Variants in PTPRS observed in about 807,000 individuals in gnomAD.
The protein encoded by PTPRS is receptor-type tyrosine-protein phosphatase S.
A neutral mutation model predicts 215.3 loss-of-function variants in PTPRS; 63 were observed. That is an observed-to-expected ratio of 0.29 (90% CI 0.24 to 0.36). The LOEUF (loss-of-function observed/expected upper bound fraction) is 0.36, where lower values mean the gene tolerates loss of function less well. Among genes scored for constraint, PTPRS ranks in the 10% least tolerant of loss-of-function variants. The probability of loss-of-function intolerance (pLI) is 1.00; values close to 1 mark genes in which losing one functional copy is unlikely to be tolerated. For synonymous variants in PTPRS, 1,404 were observed against 1,191.4 expected (o/e 1.18, Z -3.68); for missense variants, 2,258 against 2,825.8 (o/e 0.80, Z 4.56).
intron 13 of PTPRS, among the ~76,000 whole-genome samples, chr19:5,238,251 C>G (rs576125241): frequency 2.3e-4 from 35 of 152,196 alleles, no homozygotes; most frequent in African/African-American, 8.4e-4. Context: ...AGCCAACTGC[C>G]AGGTGAAGGG....
intron 1 of PTPRS, among the ~76,000 whole-genome samples, chr19:5,315,922 C>T (rs964206088): frequency 3.3e-5 from 5 of 151,098 alleles, no homozygotes; most frequent in African/African-American, 1.2e-4. Context: ...TACGCCATTA[C>T]ACCTAGTTAA....
rs1278013560 is a variant in PTPRS at position 5,295,641 on chromosome 19, CA to C, written c.-94-9408del. On this transcript the variant is annotated intron_variant, in intron 1 of 37. Coordinates refer to ENST00000262963, the MANE Select transcript of PTPRS (RefSeq NM_002850.4). This position sits in a 1 kb window ranked among gnomAD's most constrained non-coding sequence, Gnocchi z 4.6. ...CAGTACAAAGGAGGTTCTCAGCAAA[CA>C]TTTGCACAATCAGGCCCAGCCTCAC... 2.0e-5 allele frequency among the ~76,000 whole-genome samples: 3 copies of C among 152,250 alleles called. No individual in the cohort carries two copies. The highest frequency in any genetic ancestry group is 7.2e-5 in the African/African-American group (3 of 41,468).
chr19:5,308,600 C>T (rs534018057), intron 1 of PTPRS, among the ~76,000 whole-genome samples: 4 of 152,186 alleles, frequency 2.6e-5, no homozygotes, highest in African/African-American at 9.7e-5. Context: ...AGACTCCATG[C>T]GGCAGAGGTG....
intron 30 of PTPRS, among the ~76,000 whole-genome samples, chr19:5,213,008 T>TAGCTGAA (rs2041067645): frequency 6.6e-6 from 1 of 152,102 alleles, no homozygotes; most frequent in African/African-American, 2.4e-5. Context: ...TCCCCCGTCT[T>TAGCTGAA]AGCTGAAGGT....
intron 1 of PTPRS, among the ~76,000 whole-genome samples, chr19:5,303,852 G>A (rs922646112): frequency 4.0e-5 from 6 of 151,566 alleles, no homozygotes; most frequent in Admixed American, 4.0e-4. Context: ...TCAGGAGGCT[G>A]AGACAGGAGA....
intron 11 of PTPRS, among the ~76,000 whole-genome samples, chr19:5,241,918 C>T (rs2044072636): frequency 1.3e-5 from 2 of 152,292 alleles, no homozygotes; most frequent in South Asian, 4.2e-4. Context: ...TCACCACAAC[C>T]TCCGCTTCCT....
rs1322044671 is a variant in PTPRS at position 5,329,780 on chromosome 19, A to T, written c.-95+10884T>A. 6.8e-5 allele frequency among the ~76,000 whole-genome samples: 10 copies of T among 146,410 alleles called. No individual in the cohort carries two copies. The South Asian group carries it at 1.7e-3, about 25-fold the overall frequency. ...ACTCCATCTCCTAAAAAAAAAAAAAAATTAAGAATTTCCAGGTCGGGCATG... is the reference window on the plus strand; with the variant it reads ...ACTCCATCTCCTAAAAAAAAAAAAATATTAAGAATTTCCAGGTCGGGCATG... On this transcript the variant is annotated intron_variant, in intron 1 of 37. Transcript: ENST00000262963.
rs2045715143 is a variant in PTPRS, at chr19:5,258,140, G to A, written c.596-13C>T. On this transcript the variant is annotated splice_polypyrimidine_tract_variant and intron_variant, in intron 7 of 37. Coordinates refer to ENST00000262963, the MANE Select transcript of PTPRS (RefSeq NM_002850.4). ...ATCTGCAGGGCTCCTGTGGGAAGAT[G>A]GGAAAAAGCTTGGTCTGTTAGAGGG... 1.2e-6 allele frequency: 2 copies of A among 1,609,792 alleles called. No homozygotes were observed. The highest frequency in any genetic ancestry group is 1.7e-6 in the Non-Finnish European group (2 of 1,176,076).
intron 11 of PTPRS, among the ~76,000 whole-genome samples, chr19:5,243,067 C>CGTCT (rs2044178351): frequency 6.6e-6 from 1 of 151,734 alleles, no homozygotes; most frequent in African/African-American, 2.4e-5. Flanking sequence ...CATCCTCCTG[C>CGTCT]GTCTGCCTCT....
At chr19:5,301,751 C>A (rs2049311601) in intron 1 of PTPRS, among the ~76,000 whole-genome samples, 1 of 152,012 alleles carries the variant, frequency 6.6e-6, no homozygotes, top group African/African-American at 2.4e-5. Flanking sequence ...TCCTCCCCTC[C>A]TTGCTCATGA....
At position 5,221,140 on chromosome 19, in the gene PTPRS, G is replaced by A. The variant is rs1249771341; in HGVS notation, c.3315C>T (p.Ser1105=). 6.2e-7 allele frequency: 1 copy of A among 1,614,052 alleles called. No individual in the cohort carries two copies. The highest frequency in any genetic ancestry group is 8.5e-7 in the Non-Finnish European group (1 of 1,180,000). The change falls in exon 20 of 38, where the codon AGC becomes AGT. Residue 1105 remains serine (S), a synonymous_variant. Transcript: ENST00000262963. ...TGACCGTCTGCTGGAGGCCGCCCAGGCTGCTGCCGCGATTGGTCAGCACAA... is the reference window on the plus strand; with the variant it reads ...TGACCGTCTGCTGGAGGCCGCCCAGACTGCTGCCGCGATTGGTCAGCACAA... ...YNFVLTNRGS[S]LGGLQQTVTA...
chr19:5,236,901 G>A (rs2043501317), intron 13 of PTPRS, among the ~76,000 whole-genome samples: 1 of 149,984 alleles, frequency 6.7e-6, no homozygotes, highest in African/African-American at 2.5e-5. Flanking sequence ...GAATGGATTT[G>A]CTGAGAAAGG....
At chr19:5,279,141 G>A (rs1284232245) in intron 2 of PTPRS, among the ~76,000 whole-genome samples, 2 of 151,316 alleles carry the variant, frequency 1.3e-5, no homozygotes, top group Non-Finnish European at 2.9e-5. Context: ...AGCTCAGACC[G>A]CACCACTGCA....
chr19:5,321,780 T>C (rs2050030337), intron 1 of PTPRS, among the ~76,000 whole-genome samples: 3 of 151,992 alleles, frequency 2.0e-5, no homozygotes, highest in Admixed American at 2.0e-4. Context: ...ATGGGTAAAC[T>C]GAGGCTGGGA....
intron 1 of PTPRS, among the ~76,000 whole-genome samples, chr19:5,327,950 G>A (rs1020528654): frequency 6.6e-6 from 1 of 151,994 alleles, no homozygotes; most frequent in African/African-American, 2.4e-5. Context: ...CACTTTCTGG[G>A]GGTCCCCAGA....
chr19:5,338,490 G>A lies in PTPRS; in HGVS notation c.-95+2174C>T, dbSNP rs957381214. Among the ~76,000 whole-genome samples the A allele has an allele frequency of 4.5e-4, 69 of 152,280 alleles. No individual in the cohort carries two copies. The highest frequency in any genetic ancestry group is 1.6e-3 in the African/African-American group (66 of 41,564). On this transcript the variant is annotated intron_variant, in intron 1 of 37. Transcript: ENST00000262963. This position sits in a 1 kb window ranked among gnomAD's most constrained non-coding sequence, Gnocchi z 4.2. ...TGCCAGCCAGAAAGAGATGCCCCAC[G>A]GAAGGCTTTGTGGAGGGCAGCGGGG...
chr19:5,309,666 C>T lies in PTPRS; in HGVS notation c.-94-23432G>A, dbSNP rs1222952980. 4.6e-5 allele frequency among the ~76,000 whole-genome samples: 7 copies of T among 152,238 alleles called. No individual in the cohort carries two copies. The South Asian group carries it at 6.2e-4, about 14-fold the overall frequency. ...CTCAGCTCATCTTCTCCGTCTTTAC[C>T]GATGTTCAGGACAGAGGCCTGGGAG... On this transcript the variant is annotated intron_variant, in intron 1 of 37. Transcript: ENST00000262963.
intron 1 of PTPRS, among the ~76,000 whole-genome samples, chr19:5,317,300 C>T (rs2049903497): frequency 1.3e-5 from 2 of 152,088 alleles, no homozygotes; most frequent in Non-Finnish European, 2.9e-5. Context: ...GGGGAAACCC[C>T]ATCTCTAGTA....
chr19:5,260,411 C>T (rs2045894857), intron 7 of PTPRS, among the ~76,000 whole-genome samples: 1 of 152,084 alleles, frequency 6.6e-6, no homozygotes, highest in East Asian at 1.9e-4. Context: ...AACTCCTGAC[C>T]TCAGGTGATT....
Sources: allele counts gnomAD v4.1 joint callset (sites outside exome capture counted in the v4.1 genomes callset), GRCh38; gene constraint gnomAD v4.1.1; non-coding constraint Gnocchi (gnomAD v3.1); transcripts MANE v1.5; gene names NCBI Gene and HGNC (gene_info 2026-07-23, HGNC 2026-07-21).